The following CNTN5 variants were observed in gnomAD, a reference collection of about 807,000 sequenced individuals.
The protein encoded by CNTN5 is contactin 5.
In CNTN5, 77 loss-of-function variants were observed where a neutral mutation model predicts 129.1. The ratio of observed to expected loss-of-function variants is 0.60; its 90% CI spans 0.50 to 0.72. The LOEUF (loss-of-function observed/expected upper bound fraction) is 0.72, where lower values mean the gene tolerates loss of function less well. Among genes scored for constraint, CNTN5 ranks in the 30% least tolerant of loss-of-function variants. The probability of loss-of-function intolerance (pLI) is 0.00; values close to 1 mark genes in which losing one functional copy is unlikely to be tolerated. For missense variants in CNTN5, 1,478 were observed against 1,328.8 expected (o/e 1.11, Z -1.75); for synonymous variants, 509 against 465.6 (o/e 1.09, Z -1.20).
chr11:99,530,560 T>C (rs1305458415), intron 2 of CNTN5, among the ~76,000 whole-genome samples: 4 of 152,144 alleles, frequency 2.6e-5, no homozygotes, highest in Non-Finnish European at 4.4e-5. Flanking sequence ...AAAGGAATAA[T>C]TACACAGATA....
chr11:99,757,675 G>C (rs1483701286), intron 3 of CNTN5, among the ~76,000 whole-genome samples: 2 of 151,960 alleles, frequency 1.3e-5, no homozygotes, highest in Non-Finnish European at 2.9e-5. Flanking sequence ...ATTTTGGGGA[G>C]GGTATTACTC....
intron 3 of CNTN5, among the ~76,000 whole-genome samples, chr11:99,740,346 TTAA>T (rs1943849075): frequency 6.6e-6 from 1 of 152,182 alleles, no homozygotes; most frequent in African/African-American, 2.4e-5. Flanking sequence ...TTTACTCATC[TTAA>T]TAATTGTCAT....
intron 9 of CNTN5, among the ~76,000 whole-genome samples, chr11:100,023,224 T>G (rs1272785994): frequency 6.6e-6 from 1 of 152,260 alleles, no homozygotes; most frequent in Non-Finnish European, 1.5e-5. Context: ...TTTTGATAGA[T>G]TCTATTGCTG....
intron 3 of CNTN5, among the ~76,000 whole-genome samples, chr11:99,572,723 A>G (rs1949213981): frequency 6.6e-6 from 1 of 150,538 alleles, no homozygotes; most frequent in African/African-American, 2.4e-5. Context: ...AATAGTTAAA[A>G]GTTTTATTTT....
intron 1 of CNTN5, among the ~76,000 whole-genome samples, chr11:99,290,513 G>C (rs991838101): frequency 3.3e-5 from 5 of 151,802 alleles, no homozygotes; most frequent in African/African-American, 1.2e-4. Flanking sequence ...ATAGACAGAG[G>C]TGGTGTTTCA....
chr11:100,271,186 T>C lies in CNTN5; in HGVS notation c.2259T>C (p.Pro753=). 1.2e-6 allele frequency: 2 copies of C among 1,613,026 alleles called. No individual in the cohort carries two copies. Among genetic ancestry groups the C allele is most frequent in the Non-Finnish European group, 1.7e-6 (2 of 1,179,566 alleles). ...AATTTCGAGTGGTAGCCACCAACCC[T>C]ATTGGGACAGGAGATCCAAGCACCC... The part of the protein sequence containing the change: ...EYEFRVVATN[P]IGTGDPSTPS... Residue 753 remains proline (P), a synonymous_variant, in exon 18 of 25, where the codon CCT becomes CCC. Coordinates refer to ENST00000524871, the MANE Select transcript of CNTN5 (RefSeq NM_014361.4).
At chr11:99,629,363 A>C (rs974950164) in intron 3 of CNTN5, among the ~76,000 whole-genome samples, 13 of 152,072 alleles carry the variant, frequency 8.5e-5, no homozygotes, top group Admixed American at 4.6e-4. Flanking sequence ...AAAGTTTAAA[A>C]AGTAATTTCC....
At chr11:100,332,813 G>T (rs1951932824) in intron 21 of CNTN5, among the ~76,000 whole-genome samples, 1 of 152,068 alleles carries the variant, frequency 6.6e-6, no homozygotes, top group Non-Finnish European at 1.5e-5. Flanking sequence ...AATAAAACCT[G>T]TCTATGACAA....
intron 21 of CNTN5, 41 bp downstream of exon 21, chr11:100,308,509 C>T (rs1951406185): frequency 3.2e-6 from 5 of 1,573,442 alleles, no homozygotes; most frequent in Non-Finnish European, 4.3e-6. Context: ...ATTGTTTCTT[C>T]TGACATCACA....
chr11:99,159,962 C>T (rs943998832), intron 1 of CNTN5, among the ~76,000 whole-genome samples: 4 of 152,258 alleles, frequency 2.6e-5, no homozygotes, highest in Admixed American at 2.0e-4. Context: ...ATTTATCAAC[C>T]TCCCACTGTA....
chr11:99,584,795 C>G (rs565652435), intron 3 of CNTN5, among the ~76,000 whole-genome samples: 3 of 152,308 alleles, frequency 2.0e-5, no homozygotes, highest in Admixed American at 2.0e-4. Context: ...AAACTAGCAG[C>G]AGCTGCTTTT....
At chr11:99,219,076 A>G (rs12420635) in intron 1 of CNTN5, among the ~76,000 whole-genome samples, 14,265 of 152,030 alleles carry the variant, frequency 0.094, 1,240 homozygotes, top group East Asian at 0.4. Flanking sequence ...ATTCATTGCA[A>G]TGAAACCAAA....
chr11:100,256,449 T>C (rs1252196563), intron 17 of CNTN5, among the ~76,000 whole-genome samples: 1 of 152,180 alleles, frequency 6.6e-6, no homozygotes, highest in Non-Finnish European at 1.5e-5. Context: ...CAGTTCCTTT[T>C]GCTACTCCTT....
chr11:99,053,483 G>T (rs1393750731), intron 1 of CNTN5, among the ~76,000 whole-genome samples: 1 of 151,686 alleles, frequency 6.6e-6, no homozygotes, highest in African/African-American at 2.4e-5. Flanking sequence ...CACATCTGAG[G>T]TTTCTTGGAA....
chr11:99,524,007 C>CT (rs1947390922), intron 2 of CNTN5, among the ~76,000 whole-genome samples: 6 of 152,016 alleles, frequency 3.9e-5, no homozygotes, highest in Admixed American at 2.6e-4. Flanking sequence ...GAAGGACTTT[C>CT]TTTTTTTTCT....
chr11:99,823,307 T>C (rs936660181), intron 4 of CNTN5, among the ~76,000 whole-genome samples: 5 of 152,238 alleles, frequency 3.3e-5, no homozygotes, highest in African/African-American at 1.2e-4. Flanking sequence ...TTCCTTTATA[T>C]GTTTCATCTA....
At chr11:100,293,483 C>T (rs1279516086) in intron 18 of CNTN5, among the ~76,000 whole-genome samples, 2 of 151,868 alleles carry the variant, frequency 1.3e-5, no homozygotes, top group South Asian at 2.1e-4. Flanking sequence ...TATAGACTCA[C>T]GATGAACTTT....
At chr11:100,106,892 C>A (rs1418570876) in intron 13 of CNTN5, among the ~76,000 whole-genome samples, 3 of 152,082 alleles carry the variant, frequency 2.0e-5, no homozygotes, top group Admixed American at 6.5e-5. Flanking sequence ...TTTTTAGAAG[C>A]ACCTGGTATT....
intron 2 of CNTN5, among the ~76,000 whole-genome samples, chr11:99,451,878 C>G (rs10893358): frequency 1.3e-5 from 2 of 151,964 alleles, no homozygotes; most frequent in Non-Finnish European, 2.9e-5. Context: ...TCACAAGACT[C>G]TTCACAATTA....
Sources: gnomAD v4.1 joint callset for allele counts (sites outside exome capture counted in the v4.1 genomes callset) on GRCh38, gnomAD v4.1.1 for gene constraint, MANE v1.5 for transcripts, NCBI Gene and HGNC (gene_info 2026-07-23, HGNC 2026-07-21) for gene names.